CNOT1: variants seen among roughly 807,000 people sequenced by gnomAD.
CNOT1 encodes CCR4-associated factor 1.
Under a neutral mutation model 273.8 loss-of-function variants are expected in CNOT1, and 15 were observed. That is an observed-to-expected ratio of 0.05 (90% CI 0.04 to 0.08). CNOT1 has a LOEUF of 0.08. Among genes scored for constraint, CNOT1 ranks in the 10% least tolerant of loss-of-function variants. The probability of loss-of-function intolerance (pLI) is 1.00; values close to 1 mark genes in which losing one functional copy is unlikely to be tolerated. For synonymous variants in CNOT1, 1,022 were observed against 1,005.5 expected (o/e 1.02, Z -0.31); for missense variants, 1,644 against 2,912.2 (o/e 0.56, Z 10.02).
In CNOT1 at chr16:58,580,635, T is replaced by C. The variant is rs775677990; in HGVS notation, c.1341A>G (p.Thr447=). The change falls in exon 12 of 49, where the codon ACA becomes ACG. Residue 447 remains threonine, a splice_region_variant and synonymous_variant. Coordinates refer to ENST00000317147, the MANE Select transcript of CNOT1 (RefSeq NM_016284.5). ...GAAAGATGAATCAAAGTGTTTACCA[T>C]GTGGCAATTTCTCGATTGTCATCCT... is the stretch of plus-strand genomic sequence containing the variant. ...PPEDDNREIA[T]WKSLDLIESL... is the part of the protein sequence containing the mutation. The C allele has an allele frequency of 6.2e-6, 10 of 1,609,344 alleles. No individual in the cohort carries two copies. In the South Asian group the frequency reaches 7.8e-5, roughly 13 times the overall value.
rs747317163 is a variant in CNOT1, at chr16:58,553,765, T to C, written c.2970+17A>G. Reference sequence around the variant, plus strand: ...TACTACATAGCTATTTGGGTTTTAGTTACAGAGGGCACTTACCTCCTGTAA... The same window carrying C: ...TACTACATAGCTATTTGGGTTTTAGCTACAGAGGGCACTTACCTCCTGTAA... On this transcript the variant is annotated intron_variant, in intron 22 of 48. Transcript: ENST00000317147. 6.2e-7 allele frequency: 1 copy of C among 1,605,536 alleles called. No homozygotes were observed. The highest frequency in any genetic ancestry group is 1.1e-5 in the South Asian group (1 of 89,070).
At chr16:58,573,024 A>T (rs2041332693) in intron 16 of CNOT1, among the ~76,000 whole-genome samples, 1 of 151,950 alleles carries the variant, frequency 6.6e-6, no homozygotes, top group African/African-American at 2.4e-5. Flanking sequence ...AAAATTAAAG[A>T]GGCCAGGCGT....
At chr16:58,566,155 GT>G (rs1434449478) in intron 16 of CNOT1, among the ~76,000 whole-genome samples, 2 of 152,240 alleles carry the variant, frequency 1.3e-5, no homozygotes, top group Non-Finnish European at 1.5e-5. Context: ...TTCTGAAGTT[GT>G]TTTCCCCCTT....
intron 1 of CNOT1, among the ~76,000 whole-genome samples, chr16:58,621,367 AGG>A (rs1205842544): frequency 6.6e-6 from 1 of 151,904 alleles, no homozygotes; most frequent in Non-Finnish European, 1.5e-5. Context: ...TCCACCTCCC[AGG>A]GTCCAGCGAT....
intron 39 of CNOT1, among the ~76,000 whole-genome samples, chr16:58,535,920 G>A (rs538601689): frequency 2.0e-5 from 3 of 152,046 alleles, no homozygotes; most frequent in East Asian, 3.9e-4. Flanking sequence ...ATTTTTAGTA[G>A]AGACAGGGTT....
chr16:58,577,620 T>C (rs753560423), intron 13 of CNOT1, among the ~76,000 whole-genome samples: 9 of 152,146 alleles, frequency 5.9e-5, no homozygotes, highest in Non-Finnish European at 1.3e-4. Context: ...TTTTTCTGCA[T>C]GTATCATATA....
intron 16 of CNOT1, among the ~76,000 whole-genome samples, chr16:58,568,899 TAACG>T (rs1246846116): frequency 1.3e-5 from 2 of 152,040 alleles, no homozygotes; most frequent in African/African-American, 4.8e-5. Flanking sequence ...AAAAGGGCAA[TAACG>T]AACAATGTGC....
intron 1 of CNOT1, among the ~76,000 whole-genome samples, chr16:58,610,820 G>A (rs762216154): frequency 5.3e-5 from 8 of 151,834 alleles, no homozygotes; most frequent in Non-Finnish European, 7.4e-5. Flanking sequence ...TCCAGCCTGG[G>A]CAACAGAGTG....
At chr16:58,572,680 G>A (rs1345042752) in intron 16 of CNOT1, among the ~76,000 whole-genome samples, 1 of 152,004 alleles carries the variant, frequency 6.6e-6, no homozygotes, top group Non-Finnish European at 1.5e-5. Flanking sequence ...GGCCAAGGCA[G>A]GCAGATCACT....
intron 2 of CNOT1, among the ~76,000 whole-genome samples, chr16:58,592,612 GAGAGGTCC>G (rs1021501077): frequency 6.6e-6 from 1 of 152,116 alleles, no homozygotes; most frequent in African/African-American, 2.4e-5. Flanking sequence ...AAGTAGTCCA[GAGAGGTCC>G]TTCTTACCAC....
intron 32 of CNOT1, 32 bp from the exon 33 acceptor site, chr16:58,542,367 TTA>T: frequency 1.2e-6 from 2 of 1,613,744 alleles, no homozygotes; most frequent in African/African-American, 2.7e-5. Context: ...GAGGTTCTTG[TTA>T]TAAGGCACTT....
At chr16:58,621,643 G>A (rs1490066867) in intron 1 of CNOT1, among the ~76,000 whole-genome samples, 1 of 151,012 alleles carries the variant, frequency 6.6e-6, no homozygotes, top group Non-Finnish European at 1.5e-5. Context: ...CCATGGCCGG[G>A]CATGGTGGCT....
At chr16:58,528,426 G>T in intron 44 of CNOT1, 49 bp downstream of exon 44, 1 of 1,324,122 alleles carries the variant, frequency 7.6e-7, no homozygotes, top group Non-Finnish European at 1.1e-6. Flanking sequence ...TCAGAGAAAG[G>T]ACTGAAATAT....
At chr16:58,576,878 GATT>G (rs1426830935) in intron 13 of CNOT1, among the ~76,000 whole-genome samples, 1 of 152,166 alleles carries the variant, frequency 6.6e-6, no homozygotes, top group African/African-American at 2.4e-5. Context: ...ATGTGAACTA[GATT>G]ATGTGAACAT....
rs568648054 is a variant in CNOT1 at position 58,616,200 on chromosome 16, G to A, written c.-175+13528C>T. Among the ~76,000 whole-genome samples the A allele has an allele frequency of 6.1e-4, 76 of 125,036 alleles. 16 individuals are homozygous for A. The highest frequency in any genetic ancestry group is 2.0e-3 in the African/African-American group (74 of 37,164). 82.0% of individuals were successfully genotyped at this position (125,036 alleles called of 152,430 possible). A position where few individuals can be genotyped will look rare whatever the true frequency, so the allele number is the denominator to read the frequency against. On this transcript the variant is annotated intron_variant, in intron 1 of 48. Transcript: ENST00000317147. ...CGGCTCACTGCAACCTCCGCCTCCCGGGTTCAAGCAATTCTCTGCCTCAGC... is the reference window on the plus strand; with the variant it reads ...CGGCTCACTGCAACCTCCGCCTCCCAGGTTCAAGCAATTCTCTGCCTCAGC...
intron 16 of CNOT1, among the ~76,000 whole-genome samples, chr16:58,562,801 T>G (rs2040905219): frequency 6.6e-6 from 1 of 151,950 alleles, no homozygotes; most frequent in African/African-American, 2.4e-5. Context: ...CCAGCCTGGG[T>G]GACAGTGCGA....
intron 16 of CNOT1, among the ~76,000 whole-genome samples, chr16:58,571,574 A>G (rs956071778): frequency 2.6e-5 from 4 of 152,160 alleles, no homozygotes; most frequent in African/African-American, 4.8e-5. Context: ...CTCAAAAACA[A>G]TAATAAAATA....
At chr16:58,560,503 A>G (rs1766076327) in intron 16 of CNOT1, 141 bp from the exon 17 acceptor site, 5 of 1,393,126 alleles carry the variant, frequency 3.6e-6, no homozygotes, top group Non-Finnish European at 4.7e-6. Flanking sequence ...CACGATATCA[A>G]TTCACTGCAA....
At chr16:58,525,596 A>T (rs559445705) in intron 45 of CNOT1, among the ~76,000 whole-genome samples, 8 of 152,358 alleles carry the variant, frequency 5.3e-5, no homozygotes, top group Middle Eastern at 3.4e-3. Flanking sequence ...GCTCTAAAGT[A>T]AAGTTTATAA....
Sources: allele counts gnomAD v4.1 joint callset (sites outside exome capture counted in the v4.1 genomes callset), GRCh38; gene constraint gnomAD v4.1.1; transcripts MANE v1.5; gene names NCBI Gene and HGNC (gene_info 2026-07-23, HGNC 2026-07-21).